The following TPST1 variants were observed in gnomAD, a reference collection of about 807,000 sequenced individuals.
TPST1 encodes the protein tyrosylprotein sulfotransferase 1.
In TPST1, 20 loss-of-function variants were observed where a neutral mutation model predicts 34.8. The observed-to-expected ratio is 0.57, with a 90% CI of 0.40 to 0.84. The LOEUF is 0.84. Among genes scored for constraint, TPST1 ranks in the 40% least tolerant of loss-of-function variants. The pLI is 0.00. For missense variants in TPST1, 353 were observed against 455.5 expected, an observed-to-expected ratio of 0.78 and a Z score of 2.05; for synonymous variants, 152 against 159.4, an observed-to-expected ratio of 0.95 and a Z score of 0.35.
chr7:66,255,485 G>A (rs1278931063), intron 2 of TPST1, among the ~76,000 whole-genome samples: 2 of 152,092 alleles, frequency 1.3e-5, no homozygotes. Context: ...GTTAACTATT[G>A]TAGGCCAGTA....
At chr7:66,203,777 A>G (rs4481472), upstream of TPST1, among the ~76,000 whole-genome samples, 136,368 of 152,186 alleles carry the variant, frequency 0.9, 61,259 homozygotes, top group African/African-American at 0.94. Context: ...GAGCCACTGC[A>G]CCCGGCCACA....
At position 66,317,263 on chromosome 7, in the gene TPST1, G is replaced by A. The variant is rs186833149; in HGVS notation, c.1044+30554G>A. On this transcript the variant is annotated intron_variant, in intron 3 of 5. Coordinates refer to ENST00000304842, the MANE Select transcript of TPST1 (RefSeq NM_003596.4). ...TTGTGCTACCTATACAGTTTTGGTG[G>A]GGGGTTTGCTTATTTGGGGGATAAC... Among the ~76,000 whole-genome samples, 321 of 151,844 alleles carry A rather than the reference G, an allele frequency of 2.1e-3. 1 individual carries two copies. Among genetic ancestry groups the A allele is most frequent in the African/African-American group, 7.6e-3 (314 of 41,380 alleles).
chr7:66,265,514 C>T (rs1482154919), intron 2 of TPST1, among the ~76,000 whole-genome samples: 1 of 148,228 alleles, frequency 6.7e-6, no homozygotes, highest in African/African-American at 2.5e-5. Flanking sequence ...TGCACTACTG[C>T]ACTGCAGACT....
intron 2 of TPST1, among the ~76,000 whole-genome samples, chr7:66,255,665 A>G (rs555917281): frequency 2.0e-5 from 3 of 152,326 alleles, no homozygotes; most frequent in South Asian, 4.1e-4. Flanking sequence ...AAGATCTCCA[A>G]GGCTAAAACT....
chr7:66,232,519 C>T (rs1385924711), intron 1 of TPST1, among the ~76,000 whole-genome samples: 2 of 151,988 alleles, frequency 1.3e-5, no homozygotes, highest in Non-Finnish European at 2.9e-5. Context: ...ACTACAGGCG[C>T]CCACCACCAT....
intron 1 of TPST1, among the ~76,000 whole-genome samples, chr7:66,227,282 C>T (rs578256344): frequency 4.6e-4 from 70 of 152,058 alleles, no homozygotes; most frequent in African/African-American, 1.6e-3. Flanking sequence ...CTACCCGTCT[C>T]GGCCTCCCAA....
chr7:66,202,594 G>T (rs890170920), upstream of TPST1, among the ~76,000 whole-genome samples: 1 of 152,156 alleles, frequency 6.6e-6, no homozygotes, highest in African/African-American at 2.4e-5. Flanking sequence ...GCCTGGCAGG[G>T]GCTGTGCACC....
chr7:66,234,400 T>TACACACACACAGAC (rs561856939), intron 1 of TPST1, among the ~76,000 whole-genome samples: 60 of 142,950 alleles, frequency 4.2e-4, no homozygotes, highest in African/African-American at 1.4e-3. Flanking sequence ...AAAGCATGGC[T>TACACACACACAGAC]ACACACACAC....
At chr7:66,312,258 G>C (rs767100141) in intron 3 of TPST1, among the ~76,000 whole-genome samples, 1 of 152,182 alleles carries the variant, frequency 6.6e-6, no homozygotes, top group Non-Finnish European at 1.5e-5. Context: ...GAGAGCAAGA[G>C]AACATTTGCA....
chr7:66,327,260 T>A (rs538606268), intron 3 of TPST1, among the ~76,000 whole-genome samples: 2 of 152,306 alleles, frequency 1.3e-5, no homozygotes, highest in Admixed American at 1.3e-4. Context: ...AAACTAAGGC[T>A]TCTGATTAAT....
intron 3 of TPST1, among the ~76,000 whole-genome samples, chr7:66,302,869 T>C (rs1297344657): frequency 6.6e-6 from 1 of 152,200 alleles, no homozygotes; most frequent in Non-Finnish European, 1.5e-5. Flanking sequence ...TTTAGAATGA[T>C]GGCATTAAGA....
chr7:66,283,028 G>A (rs1055098292), intron 2 of TPST1, among the ~76,000 whole-genome samples: 2 of 152,130 alleles, frequency 1.3e-5, no homozygotes, highest in Non-Finnish European at 2.9e-5. Context: ...CAGCACTTTG[G>A]GAAGCCGAGG....
intron 2 of TPST1, among the ~76,000 whole-genome samples, chr7:66,268,108 A>G (rs993724030): frequency 6.6e-6 from 1 of 151,880 alleles, no homozygotes; most frequent in Non-Finnish European, 1.5e-5. Flanking sequence ...ATGTGCCACC[A>G]CGCCCAGCTA....
At chr7:66,354,541 A>G (rs2116399019) in intron 4 of TPST1, among the ~76,000 whole-genome samples, 1 of 151,288 alleles carries the variant, frequency 6.6e-6, no homozygotes, top group South Asian at 2.1e-4. Context: ...AAAAAAAAAA[A>G]AAAAAAAAAA....
At chr7:66,317,307 C>T (rs535948124) in intron 3 of TPST1, among the ~76,000 whole-genome samples, 1 of 152,254 alleles carries the variant, frequency 6.6e-6, no homozygotes, top group African/African-American at 2.4e-5. Flanking sequence ...TGGTTTGTCT[C>T]TCTTATTAGT....
At chr7:66,252,911 G>A (rs1790297896) in intron 2 of TPST1, among the ~76,000 whole-genome samples, 1 of 152,108 alleles carries the variant, frequency 6.6e-6, no homozygotes, top group African/African-American at 2.4e-5. Flanking sequence ...GTGAGGTGCA[G>A]ATTCATTTTC....
intron 2 of TPST1, among the ~76,000 whole-genome samples, chr7:66,253,370 C>CTTTTTT (rs199518226): frequency 7.7e-6 from 1 of 130,172 alleles, no homozygotes. Flanking sequence ...AGATCGCTTT[C>CTTTTTT]TTTTTTTTTT....
Position 66,297,926 on chromosome 7 carries a change from A to G in TPST1, c.1044+11217A>G, listed in dbSNP as rs564195876. Among the ~76,000 whole-genome samples, 5 of 152,292 alleles carry G rather than the reference A, an allele frequency of 3.3e-5. No individual in the cohort carries two copies. The East Asian group carries it at 5.8e-4, about 18-fold the overall frequency. ...AGGTCTCCTCACTTAAAATTCATGA[A>G]TGACTCCACTGTTACTACAGGATAG... On this transcript the variant is annotated intron_variant, in intron 3 of 5. Coordinates refer to ENST00000304842, the MANE Select transcript of TPST1 (RefSeq NM_003596.4).
At chr7:66,274,462 G>A (rs1450841855) in intron 2 of TPST1, among the ~76,000 whole-genome samples, 1 of 152,018 alleles carries the variant, frequency 6.6e-6, no homozygotes, top group Non-Finnish European at 1.5e-5. Context: ...AGGTTTAAAT[G>A]TAAAACCTGA....
Sources: allele counts gnomAD v4.1 joint callset (sites outside exome capture counted in the v4.1 genomes callset), GRCh38; gene constraint gnomAD v4.1.1; transcripts MANE v1.5; gene names NCBI Gene and HGNC (gene_info 2026-07-23, HGNC 2026-07-21).